CCSER2: variants seen among roughly 807,000 people sequenced by gnomAD.
The protein encoded by CCSER2 is serine-rich coiled-coil domain-containing protein 2.
CCSER2 carries 46 observed loss-of-function variants against 92.3 expected under a neutral mutation model. The ratio of observed to expected loss-of-function variants is 0.50; its 90% CI spans 0.39 to 0.64. The LOEUF (loss-of-function observed/expected upper bound fraction) is 0.64, where lower values mean the gene tolerates loss of function less well. Ranked by LOEUF, CCSER2 falls within the 30% of genes least tolerant of loss-of-function variation. CCSER2 has a pLI of 0.00. For missense variants in CCSER2, 1,244 were observed against 1,238.9 expected (o/e 1.00, Z -0.06); for synonymous variants, 433 against 431.4 (o/e 1.00, Z -0.04).
At chr10:84,498,917 C>T (rs1312612336) in intron 9 of CCSER2, among the ~76,000 whole-genome samples, 2 of 152,150 alleles carry the variant, frequency 1.3e-5, no homozygotes, top group African/African-American at 4.8e-5. Context: ...AAGTAAATGA[C>T]ATTTCAGGAG....
At chr10:84,385,228 C>T (rs1841133657) in intron 3 of CCSER2, among the ~76,000 whole-genome samples, 1 of 152,116 alleles carries the variant, frequency 6.6e-6, no homozygotes, top group Admixed American at 6.5e-5. Context: ...TTACCAACAT[C>T]ACTTTTCACA....
At chr10:84,338,644 T>C (rs147404320) in intron 1 of CCSER2, among the ~76,000 whole-genome samples, 2,993 of 152,320 alleles carry the variant, frequency 0.02, 46 homozygotes, top group South Asian at 0.069. Flanking sequence ...TTTAGCAACC[T>C]ATTTGTTATG....
chr10:84,330,667 C>T (rs1472070333), intron 1 of CCSER2, among the ~76,000 whole-genome samples: 1 of 152,104 alleles, frequency 6.6e-6, no homozygotes, highest in Admixed American at 6.6e-5. Flanking sequence ...CACACACCAC[C>T]ACACCTGGCT....
At chr10:84,447,041 T>A (rs1564673312) in intron 6 of CCSER2, among the ~76,000 whole-genome samples, 4 of 152,044 alleles carry the variant, frequency 2.6e-5, no homozygotes, top group Admixed American at 1.3e-4. Context: ...TTTTTTTTTT[T>A]TGACTCTGAC....
At chr10:84,341,933 ACT>A (rs1208986620) in intron 1 of CCSER2, among the ~76,000 whole-genome samples, 4 of 151,934 alleles carry the variant, frequency 2.6e-5, no homozygotes, top group African/African-American at 9.7e-5. Context: ...TGGGTGTACC[ACT>A]CTCCAGATAT....
At chr10:84,387,885 G>T (rs992980228) in intron 3 of CCSER2, among the ~76,000 whole-genome samples, 2 of 151,644 alleles carry the variant, frequency 1.3e-5, no homozygotes, top group Admixed American at 6.6e-5. Flanking sequence ...GTTTTTTTGA[G>T]ACGGAGTCTT....
At chr10:84,512,367 AGTGTGTGTGTGTGT>A (rs141667701) in intron 9 of CCSER2, among the ~76,000 whole-genome samples, 1 of 139,656 alleles carries the variant, frequency 7.2e-6, no homozygotes, top group East Asian at 2.1e-4. Flanking sequence ...TTATTTAAAC[AGTGTGTGTGTGTGT>A]GTGTGTGTGT....
chr10:84,365,343 TCA>T (rs1343381945), intron 1 of CCSER2, among the ~76,000 whole-genome samples: 2 of 152,204 alleles, frequency 1.3e-5, no homozygotes, highest in Non-Finnish European at 2.9e-5. Context: ...TGAAGCAGAC[TCA>T]CAATGTCTAT....
chr10:84,358,984 C>T (rs951693710), intron 1 of CCSER2, among the ~76,000 whole-genome samples: 8 of 152,056 alleles, frequency 5.3e-5, no homozygotes, highest in Non-Finnish European at 1.2e-4. Context: ...ACCTGTGAAC[C>T]TAGGCATTTA....
chr10:84,455,020 A>T (rs1845520730), intron 6 of CCSER2, among the ~76,000 whole-genome samples: 1 of 152,130 alleles, frequency 6.6e-6, no homozygotes. Context: ...TGATGGTTTT[A>T]TGAGGGGCAG....
At chr10:84,495,117 T>A (rs1848377909) in intron 9 of CCSER2, among the ~76,000 whole-genome samples, 1 of 151,818 alleles carries the variant, frequency 6.6e-6, no homozygotes, top group South Asian at 2.1e-4. Context: ...ACATATTATA[T>A]ATTTTTTCAG....
chr10:84,434,167 C>T (rs775410367), intron 5 of CCSER2, among the ~76,000 whole-genome samples: 1 of 152,136 alleles, frequency 6.6e-6, no homozygotes, highest in Non-Finnish European at 1.5e-5. Flanking sequence ...ACCCTTCTTA[C>T]ACATTTGCCC....
At chr10:84,385,378 A>C (rs946419550) in intron 3 of CCSER2, among the ~76,000 whole-genome samples, 2 of 152,232 alleles carry the variant, frequency 1.3e-5, no homozygotes, top group African/African-American at 2.4e-5. Flanking sequence ...TGTAGTAACC[A>C]AAACAGCATG....
chr10:84,368,129 G>A (rs1845877351), intron 1 of CCSER2, among the ~76,000 whole-genome samples: 1 of 152,072 alleles, frequency 6.6e-6, no homozygotes, highest in East Asian at 1.9e-4. Context: ...AAGCCTCTGT[G>A]CTCGGGATAT....
intron 3 of CCSER2, among the ~76,000 whole-genome samples, chr10:84,394,988 C>A (rs993564591): frequency 3.3e-5 from 5 of 151,920 alleles, no homozygotes; most frequent in Non-Finnish European, 7.4e-5. Context: ...CTTTGTGAGG[C>A]TGAGGTGGTA....
chr10:84,370,634 T>C (rs936348695), intron 1 of CCSER2, among the ~76,000 whole-genome samples: 45 of 152,108 alleles, frequency 3.0e-4, no homozygotes, highest in African/African-American at 1.1e-3. Flanking sequence ...GTGCACTGGC[T>C]GTGGCTTTCC....
At chr10:84,410,863 C>T (rs1367660246) in intron 3 of CCSER2, among the ~76,000 whole-genome samples, 2 of 152,096 alleles carry the variant, frequency 1.3e-5, no homozygotes, top group African/African-American at 4.8e-5. Context: ...AATGGTATTG[C>T]CTAGATTTTC....
At chr10:84,397,308 C>A (rs775472417) in intron 3 of CCSER2, among the ~76,000 whole-genome samples, 1 of 152,116 alleles carries the variant, frequency 6.6e-6, no homozygotes, top group Non-Finnish European at 1.5e-5. Flanking sequence ...TGAAATTCTG[C>A]AGTAAAACAG....
chr10:84,365,812 TA>T lies in CCSER2; in HGVS notation c.-39-5199del, dbSNP rs1233583556. ...CTACTTGTGACAGGCGGGGAAATGTTAAAGCCTTTCTGACTCACAGGCTCTT... is the reference window on the plus strand; with the variant it reads ...CTACTTGTGACAGGCGGGGAAATGTTAAGCCTTTCTGACTCACAGGCTCTT... On this transcript the variant is annotated intron_variant, in intron 1 of 9. Transcript: ENST00000372088. 2.0e-5 allele frequency among the ~76,000 whole-genome samples: 3 copies of T among 152,352 alleles called. No individual in the cohort carries two copies. In the East Asian group the frequency reaches 5.8e-4, roughly 29 times the overall value.
Sources: allele counts gnomAD v4.1 joint callset (sites outside exome capture counted in the v4.1 genomes callset), GRCh38; gene constraint gnomAD v4.1.1; transcripts MANE v1.5; gene names NCBI Gene and HGNC (gene_info 2026-07-23, HGNC 2026-07-21).